Variants in ZNF76 observed in about 807,000 individuals in gnomAD.
The protein encoded by ZNF76 is zinc finger protein 76.
ZNF76 carries 66 observed loss-of-function variants against 66.9 expected under a neutral mutation model. That is an observed-to-expected ratio of 0.99 (90% CI 0.81 to 1.21). ZNF76 has a LOEUF of 1.21. ZNF76 is among the 50% of genes most tolerant of loss of function. ZNF76 has a pLI of 0.00. For missense variants in ZNF76, 729 were observed against 760.3 expected, an observed-to-expected ratio of 0.96 and a Z score of 0.48; for synonymous variants, 275 against 296.1, an observed-to-expected ratio of 0.93 and a Z score of 0.73.
intron 1 of ZNF76, among the ~76,000 whole-genome samples, chr6:35,268,505 CA>C (rs201178545): frequency 6.6e-6 from 1 of 151,492 alleles, no homozygotes; most frequent in African/African-American, 2.4e-5. Flanking sequence ...AACAAACAAA[CA>C]AAAAAAACGA....
intron 1 of ZNF76, among the ~76,000 whole-genome samples, chr6:35,272,232 A>G (rs549533120): frequency 2.7e-4 from 41 of 150,934 alleles, no homozygotes; most frequent in African/African-American, 9.5e-4. Flanking sequence ...ACTTGAGGCC[A>G]GGAGTTCAAG....
At chr6:35,275,487 TA>T (rs1787756502) in intron 1 of ZNF76, among the ~76,000 whole-genome samples, 1 of 152,186 alleles carries the variant, frequency 6.6e-6, no homozygotes, top group African/African-American at 2.4e-5. Flanking sequence ...TCACTGTTGT[TA>T]GTTCAGTGCC....
chr6:35,265,282 A>G (rs1206640309), intron 1 of ZNF76, among the ~76,000 whole-genome samples: 1 of 152,052 alleles, frequency 6.6e-6, no homozygotes, highest in Non-Finnish European at 1.5e-5. Context: ...TGGGTTGGGT[A>G]GATAACATGA....
At position 35,292,661 on chromosome 6, in the gene ZNF76, T is replaced by C. The variant is rs1306608957; in HGVS notation, c.1039T>C (p.Cys347Arg). 1 of 1,614,014 alleles carries C rather than the reference T, an allele frequency of 6.2e-7. No individual in the cohort carries two copies. The highest frequency in any genetic ancestry group is 8.5e-7 in the Non-Finnish European group (1 of 1,180,044). ...VVHTHCKPYT[C>R]STCGKTYRQT... ...GCACACACACTGCAAGCCCTACACC[T>C]GCAGCACCTGCGGCAAGACCTACCG... Residue 347 changes from cysteine to arginine, a missense_variant, in exon 10 of 14, where the codon TGC (cysteine) becomes CGC (arginine). Coordinates refer to ENST00000373953, the MANE Select transcript of ZNF76 (RefSeq NM_003427.5). This position sits in a 1 kb window ranked among gnomAD's most constrained non-coding sequence, Gnocchi z 4.7.
At chr6:35,279,581 C>T (rs1414268665) in intron 1 of ZNF76, among the ~76,000 whole-genome samples, 1 of 151,804 alleles carries the variant, frequency 6.6e-6, no homozygotes, top group African/African-American at 2.4e-5. Context: ...GTGCCCACCA[C>T]CACGCCCGGC....
chr6:35,292,697 A>AC lies in ZNF76; in HGVS notation c.1077dup (p.Ala361GlyfsTer23). 6.2e-7 allele frequency: 1 copy of AC among 1,614,102 alleles called. No individual in the cohort carries two copies. The highest frequency in any genetic ancestry group is 8.5e-7 in the Non-Finnish European group (1 of 1,180,034). ...CGGCAAGACCTACCGGCAGACCTCCACCTTGGCCATGCACAAGCGCAGTGC... is the reference window on the plus strand; with the variant it reads ...CGGCAAGACCTACCGGCAGACCTCCACCCTTGGCCATGCACAAGCGCAGTGC... On this transcript the variant is annotated frameshift_variant, in exon 10 of 14. Transcript: ENST00000373953. LOFTEE classifies it high-confidence loss of function. This position sits in a 1 kb window ranked among gnomAD's most constrained non-coding sequence, Gnocchi z 4.7.
At chr6:35,273,583 C>G (rs953482126) in intron 1 of ZNF76, among the ~76,000 whole-genome samples, 2 of 151,720 alleles carry the variant, frequency 1.3e-5, no homozygotes, top group East Asian at 2.0e-4. Flanking sequence ...GAGTTCAAGA[C>G]CAGCCTGACT....
chr6:35,274,545 A>G (rs1787601736), intron 1 of ZNF76, among the ~76,000 whole-genome samples: 1 of 152,188 alleles, frequency 6.6e-6, no homozygotes, highest in Non-Finnish European at 1.5e-5. Context: ...ATCTTGATTC[A>G]TGGAGAGACC....
chr6:35,268,932 A>T (rs1024062121), intron 1 of ZNF76, among the ~76,000 whole-genome samples: 1 of 152,158 alleles, frequency 6.6e-6, no homozygotes, highest in African/African-American at 2.4e-5. Flanking sequence ...ATCAGTCAAG[A>T]TATAGAAATG....
At chr6:35,276,794 T>C (rs1188333723) in intron 1 of ZNF76, among the ~76,000 whole-genome samples, 1 of 13,692 alleles carries the variant, frequency 7.3e-5, no homozygotes, top group African/African-American at 1.2e-4. Flanking sequence ...TTTATGGGTT[T>C]TTTTTTTTTT....
In ZNF76 at chr6:35,290,688, C is replaced by T. The variant is rs140038187; in HGVS notation, c.597C>T (p.Phe199=). ...GTGACCGTCCATACAGATGTGACTT[C>T]CCCAGCTGTGGAAAGGCCTTTGCCA... ...HTGDRPYRCD[F]PSCGKAFATG... The change falls in exon 7 of 14, where the codon TTC becomes TTT. Residue 199 remains phenylalanine (F), a synonymous_variant. Coordinates refer to ENST00000373953, the MANE Select transcript of ZNF76 (RefSeq NM_003427.5). 11 of 1,614,098 alleles carry T rather than the reference C, an allele frequency of 6.8e-6. No individual in the cohort carries two copies. The South Asian group carries it at 1.1e-4, about 16-fold the overall frequency.
At chr6:35,270,144 A>ATT (rs1398845263) in intron 1 of ZNF76, among the ~76,000 whole-genome samples, 1 of 151,600 alleles carries the variant, frequency 6.6e-6, no homozygotes, top group Non-Finnish European at 1.5e-5. Flanking sequence ...TTTTATTTTT[A>ATT]TTTTTTTATT....
intron 2 of ZNF76, among the ~76,000 whole-genome samples, chr6:35,282,934 A>G (rs913025713): frequency 3.9e-5 from 6 of 152,308 alleles, no homozygotes; most frequent in African/African-American, 1.4e-4. Flanking sequence ...CAACTTCTCT[A>G]GAATGCTTTT....
At chr6:35,288,523 C>T (rs1464651374) in intron 5 of ZNF76, among the ~76,000 whole-genome samples, 2 of 152,236 alleles carry the variant, frequency 1.3e-5, no homozygotes, top group Non-Finnish European at 2.9e-5. Flanking sequence ...ACTACAGAGC[C>T]TCAGGCTGGA....
chr6:35,294,531 C>T lies in ZNF76; in HGVS notation c.1570C>T (p.Leu524=). 1.2e-6 allele frequency: 2 copies of T among 1,614,108 alleles called. No homozygotes were observed. Among genetic ancestry groups the T allele is most frequent in the Non-Finnish European group, 1.7e-6 (2 of 1,179,976 alleles). The part of the protein sequence containing the change: ...VASLRHQQVA[L]LATANGTHIA... The stretch of plus-strand genomic sequence containing the variant: ...ATCTCTTCGTCATCAACAGGTGGCA[C>T]TGTTGGCCACAGCCAACGGAACGCA... The change falls in exon 13 of 14, where the codon CTG becomes TTG. Residue 524 remains leucine (L), a synonymous_variant. Transcript: ENST00000373953.
At chr6:35,290,777 C>A in intron 7 of ZNF76, 61 bp downstream of exon 7, 1 of 1,531,188 alleles carries the variant, frequency 6.5e-7, no homozygotes, top group Non-Finnish European at 9.0e-7. Flanking sequence ...TGTTTGGGAC[C>A]TCTCTGAAGG....
intron 2 of ZNF76, among the ~76,000 whole-genome samples, chr6:35,285,352 T>TA (rs1274690850): frequency 1.3e-5 from 2 of 152,260 alleles, no homozygotes; most frequent in African/African-American, 4.8e-5. Context: ...CATAGTTCTC[T>TA]ATTGCTTTAC....
chr6:35,264,883 G>T (rs1377254917), intron 1 of ZNF76, among the ~76,000 whole-genome samples: 2 of 152,094 alleles, frequency 1.3e-5, no homozygotes, highest in Non-Finnish European at 2.9e-5. Context: ...GTGGAATAGG[G>T]CTGGACTGGA....
chr6:35,273,381 C>T (rs1200807418), intron 1 of ZNF76, among the ~76,000 whole-genome samples: 2 of 150,788 alleles, frequency 1.3e-5, no homozygotes, highest in Non-Finnish European at 3.0e-5. Context: ...CCATGTTGGC[C>T]AGGGTGATCT....
Sources: gnomAD v4.1 joint callset for allele counts (sites outside exome capture counted in the v4.1 genomes callset) on GRCh38, gnomAD v4.1.1 for gene constraint, Gnocchi (gnomAD v3.1) non-coding constraint, MANE v1.5 for transcripts, NCBI Gene and HGNC (gene_info 2026-07-23, HGNC 2026-07-21) for gene names.